Variants in GRK5 observed in about 807,000 individuals in gnomAD.
The protein encoded by GRK5 is G protein-coupled receptor kinase 5.
Under a neutral mutation model 78.4 loss-of-function variants are expected in GRK5, and 40 were observed. The observed-to-expected ratio is 0.51, with a 90% confidence interval of 0.40 to 0.66. GRK5 has a LOEUF of 0.66. Among genes scored for constraint, GRK5 ranks in the 30% least tolerant of loss-of-function variants. The probability of loss-of-function intolerance (pLI) is 0.00; values close to 1 mark genes in which losing one functional copy is unlikely to be tolerated. For missense variants in GRK5, 598 were observed against 759.9 expected (o/e 0.79, Z 2.50); for synonymous variants, 289 against 296.8 (o/e 0.97, Z 0.27).
chr10:119,299,258 C>T (rs921722451), intron 1 of GRK5, among the ~76,000 whole-genome samples: 3 of 152,124 alleles, frequency 2.0e-5, no homozygotes, highest in African/African-American at 7.2e-5. Context: ...GCCTGGCCAA[C>T]ATGGCAAAAC....
At chr10:119,448,292 C>G in intron 13 of GRK5, 32 bp downstream of exon 13, 2 of 1,570,274 alleles carry the variant, frequency 1.3e-6, no homozygotes, top group Non-Finnish European at 1.7e-6. Context: ...CCAGCAGCTC[C>G]CTTCACAGGG....
At chr10:119,329,346 A>G (rs1275733585) in intron 2 of GRK5, among the ~76,000 whole-genome samples, 1 of 152,216 alleles carries the variant, frequency 6.6e-6, no homozygotes, top group Non-Finnish European at 1.5e-5. Flanking sequence ...GACATTATGT[A>G]TAAAACAAAC....
At chr10:119,363,329 C>T (rs1851395651) in intron 2 of GRK5, among the ~76,000 whole-genome samples, 1 of 151,524 alleles carries the variant, frequency 6.6e-6, no homozygotes, top group South Asian at 2.1e-4. Context: ...GAACCTTGCA[C>T]CAGGAGCTGT....
chr10:119,423,110 C>T (rs1852602444), intron 4 of GRK5, 56 bp from the exon 5 acceptor site: 18 of 1,229,202 alleles, frequency 1.5e-5, no homozygotes, highest in East Asian at 2.3e-5. Context: ...TGGGCAAACC[C>T]GGCCGCACTG....
At chr10:119,409,420 G>A (rs1322177462) in intron 4 of GRK5, among the ~76,000 whole-genome samples, 1 of 152,192 alleles carries the variant, frequency 6.6e-6, no homozygotes, top group Non-Finnish European at 1.5e-5. Context: ...CAGAAAATTG[G>A]AGGTTCCTTT....
intron 13 of GRK5, among the ~76,000 whole-genome samples, chr10:119,450,885 C>A (rs573294386): frequency 3.9e-5 from 6 of 152,168 alleles, no homozygotes; most frequent in African/African-American, 1.4e-4. Context: ...GAGTGCGAAG[C>A]CGCTGTGAGC....
At chr10:119,367,292 C>A (rs1851465140) in intron 2 of GRK5, among the ~76,000 whole-genome samples, 1 of 152,170 alleles carries the variant, frequency 6.6e-6, no homozygotes, top group African/African-American at 2.4e-5. Flanking sequence ...GCCTCTCCCC[C>A]ATCTCTCATC....
At chr10:119,326,702 A>C in intron 2 of GRK5, 91 bp downstream of exon 2, 1 of 955,408 alleles carries the variant, frequency 1.0e-6, no homozygotes, top group Non-Finnish European at 1.7e-6. Context: ...GTGAGCCGCC[A>C]AGCTGTCTGT....
At chr10:119,331,838 A>G (rs1029240677) in intron 2 of GRK5, among the ~76,000 whole-genome samples, 6 of 152,160 alleles carry the variant, frequency 3.9e-5, no homozygotes, top group African/African-American at 1.4e-4. Flanking sequence ...TCCTGCTGAA[A>G]CCAACCCAAC....
At chr10:119,415,514 A>ATT (rs1422900369) in intron 4 of GRK5, among the ~76,000 whole-genome samples, 1 of 152,230 alleles carries the variant, frequency 6.6e-6, no homozygotes, top group East Asian at 1.9e-4. Context: ...ATTGTGTCAA[A>ATT]TGAAAGAGCA....
rs141365148 is a variant in GRK5 at position 119,454,991 on chromosome 10, C to T, written c.1697C>T (p.Ser566Leu). The T allele has an allele frequency of 1.8e-5, 29 of 1,613,242 alleles. 1 individual carries two copies. The Middle Eastern group carries it at 8.3e-4, about 46-fold the overall frequency. Residue 566 changes from serine to leucine, a missense_variant, in exon 16 of 16, where the codon TCG (serine) becomes TTG (leucine). Transcript: ENST00000392870. ...KRQHQNNSKS[S>L]PSSKTSFNHH... Reference sequence around the variant, plus strand: ...CAGCATCAGAACAATTCCAAGAGTTCGCCCAGCTCCAAGACCAGTTTTAAC... The same window carrying T: ...CAGCATCAGAACAATTCCAAGAGTTTGCCCAGCTCCAAGACCAGTTTTAAC...
chr10:119,302,556 C>T (rs10886445), intron 1 of GRK5, among the ~76,000 whole-genome samples: 68,320 of 152,042 alleles, frequency 0.45, 16,308 homozygotes, highest in Non-Finnish European at 0.54. Context: ...TGGAGAGTGG[C>T]GATTCCTCCC....
chr10:119,448,727 TAA>T (rs1311278483), intron 13 of GRK5, among the ~76,000 whole-genome samples: 1 of 151,900 alleles, frequency 6.6e-6, no homozygotes, highest in Non-Finnish European at 1.5e-5. Context: ...GGCAGAAACA[TAA>T]GAGGCCCCTC....
chr10:119,237,602 C>G (rs1225751399), intron 1 of GRK5, among the ~76,000 whole-genome samples: 2 of 152,004 alleles, frequency 1.3e-5, no homozygotes, highest in African/African-American at 4.8e-5. Context: ...GAAGGGCTTT[C>G]TTCAAGGAAA....
intron 2 of GRK5, among the ~76,000 whole-genome samples, chr10:119,342,186 C>T (rs4752293): frequency 0.75 from 113,649 of 152,196 alleles, 44,797 homozygotes; most frequent in Middle Eastern, 0.87. Context: ...CAGAAGACTC[C>T]GTCATCAGGC....
Position 119,369,656 on chromosome 10 carries a change from G to A in GRK5, c.149-11159G>A, listed in dbSNP as rs145345819. Among the ~76,000 whole-genome samples the A allele has an allele frequency of 2.4e-3, 359 of 152,240 alleles. No individual in the cohort carries two copies. The South Asian group carries it at 0.031, about 13-fold the overall frequency. On this transcript the variant is annotated intron_variant, in intron 2 of 15. Transcript: ENST00000392870. The stretch of plus-strand genomic sequence containing the variant: ...CATGGGTGTGTTTCCTTTTTGCCCC[G>A]GCTCTTAAAGCACCAGCACTGCTGA...
intron 3 of GRK5, among the ~76,000 whole-genome samples, chr10:119,396,099 T>A (rs1439118146): frequency 1.3e-5 from 2 of 152,210 alleles, no homozygotes; most frequent in Admixed American, 6.5e-5. Flanking sequence ...CTATAGCAAC[T>A]GTTTATTATT....
chr10:119,418,932 A>C (rs1852516670), intron 4 of GRK5, among the ~76,000 whole-genome samples: 1 of 152,092 alleles, frequency 6.6e-6, no homozygotes, highest in Non-Finnish European at 1.5e-5. Flanking sequence ...ATGGTTAGAC[A>C]TTCAAGGGGC....
chr10:119,299,880 G>T (rs542132232), intron 1 of GRK5, among the ~76,000 whole-genome samples: 1 of 152,140 alleles, frequency 6.6e-6, no homozygotes, highest in East Asian at 1.9e-4. Flanking sequence ...TGTTACATAT[G>T]TATACATGTG....
Sources: allele counts gnomAD v4.1 joint callset (sites outside exome capture counted in the v4.1 genomes callset), GRCh38; gene constraint gnomAD v4.1.1; transcripts MANE v1.5; gene names NCBI Gene and HGNC (gene_info 2026-07-23, HGNC 2026-07-21).